The following GLB1L3 variants were observed in gnomAD, a reference collection of about 807,000 sequenced individuals.
GLB1L3 encodes the protein beta-galactosidase-1-like protein 3.
GLB1L3 carries 89 observed loss-of-function variants against 89.5 expected under a neutral mutation model. The observed-to-expected ratio is 0.99, with a 90% CI of 0.84 to 1.19. The LOEUF (loss-of-function observed/expected upper bound fraction) is 1.19. Ranked by LOEUF, GLB1L3 falls within the 50% of genes most tolerant of loss-of-function variation. GLB1L3 has a pLI of 0.00. For missense variants in GLB1L3, 812 were observed against 813.3 expected (o/e 1.00, Z 0.02); for synonymous variants, 314 against 312.3 (o/e 1.01, Z -0.06).
chr11:134,280,159 G>T (rs1020494142), intron 3 of GLB1L3, among the ~76,000 whole-genome samples: 1 of 151,556 alleles, frequency 6.6e-6, no homozygotes, highest in Non-Finnish European at 1.5e-5. Context: ...TTGGGAATAC[G>T]CTTTCTGTTT....
chr11:134,284,924 CTTTTTTTTTTTTTTTTT>C (rs536491197), intron 6 of GLB1L3, among the ~76,000 whole-genome samples: 1 of 73,990 alleles, frequency 1.4e-5, no homozygotes, highest in Non-Finnish European at 2.7e-5. Context: ...CATGCATTGC[CTTTTTTTTTTTTTTTTT>C]TTTTTGAGAC....
chr11:134,313,341 C>T (rs11223754), intron 15 of GLB1L3, 55 bp from the exon 16 acceptor site: 69,660 of 1,414,338 alleles, frequency 0.049, 2,092 homozygotes, highest in Non-Finnish European at 0.057. Context: ...AACGGGTTGT[C>T]GGGTAGACGC....
intron 8 of GLB1L3, chr11:134,292,583 TGGGTG>T: frequency 4.6e-6 from 1 of 217,622 alleles, no homozygotes; most frequent in South Asian, 9.2e-5. Flanking sequence ...AACCAGAAGA[TGGGTG>T]TTGTGTCAGG....
chr11:134,308,247 C>A (rs867900034), intron 10 of GLB1L3, among the ~76,000 whole-genome samples: 1 of 26,482 alleles, frequency 3.8e-5, no homozygotes, highest in Non-Finnish European at 7.8e-5. Flanking sequence ...ATCACCATCA[C>A]CACCATCACC....
chr11:134,315,796 A>T (rs1273359583), intron 18 of GLB1L3, among the ~76,000 whole-genome samples: 1 of 151,976 alleles, frequency 6.6e-6, no homozygotes, highest in Non-Finnish European at 1.5e-5. Context: ...CATTATCTTT[A>T]TTATTTTGTT....
intron 9 of GLB1L3, among the ~76,000 whole-genome samples, chr11:134,295,612 GT>G (rs1941591556): frequency 6.6e-6 from 1 of 152,050 alleles, no homozygotes; most frequent in African/African-American, 2.4e-5. Flanking sequence ...AACTTCCTTG[GT>G]TTCCGCTTTG....
chr11:134,319,183 T>C lies in GLB1L3; in HGVS notation c.*241T>C. ...GTTAGCCAGGATGGTCCCAATCTCC[T>C]GACCTTGTGATCTGCTCTCCTCAGC... On this transcript the variant is annotated 3_prime_UTR_variant, in exon 20 of 20. Coordinates refer to ENST00000431683, the MANE Select transcript of GLB1L3 (RefSeq NM_001080407.3). 2.2e-6 allele frequency: 1 copy of C among 448,058 alleles called. No homozygotes were observed. Among genetic ancestry groups the C allele is most frequent in the Non-Finnish European group, 4.0e-6 (1 of 248,110 alleles). 27.8% of individuals were successfully genotyped at this position (448,058 alleles called of 1,614,324 possible).
intron 18 of GLB1L3, among the ~76,000 whole-genome samples, chr11:134,318,283 T>A (rs1013338358): frequency 1.3e-5 from 2 of 152,234 alleles, no homozygotes; most frequent in African/African-American, 4.8e-5. Context: ...AGCAGATTTT[T>A]AAAAATGTGC....
chr11:134,303,357 A>G (rs1327670801), intron 9 of GLB1L3, among the ~76,000 whole-genome samples: 1 of 152,136 alleles, frequency 6.6e-6, no homozygotes, highest in Non-Finnish European at 1.5e-5. Context: ...TTCTTGTTAG[A>G]CTGAAGTTGA....
intron 4 of GLB1L3, 61 bp downstream of exon 4, chr11:134,281,506 G>C (rs1264831733): frequency 2.0e-6 from 3 of 1,493,358 alleles, no homozygotes; most frequent in Non-Finnish European, 2.8e-6. Flanking sequence ...TGGCTACTGG[G>C]GGTGGATTAG....
At chr11:134,298,530 A>G (rs1476276934) in intron 9 of GLB1L3, among the ~76,000 whole-genome samples, 1 of 152,112 alleles carries the variant, frequency 6.6e-6, no homozygotes, top group Non-Finnish European at 1.5e-5. Context: ...TAGAATTCCC[A>G]TGTGTTGTGG....
intron 6 of GLB1L3, 131 bp from the exon 7 acceptor site, chr11:134,288,667 C>T (rs1053475730): frequency 6.7e-6 from 4 of 598,468 alleles, no homozygotes; most frequent in Admixed American, 3.2e-5. Context: ...TGGAGCAGAG[C>T]GTGCAGACCA....
chr11:134,303,290 T>G (rs1394957763), intron 9 of GLB1L3, among the ~76,000 whole-genome samples: 1 of 152,232 alleles, frequency 6.6e-6, no homozygotes, highest in East Asian at 1.9e-4. Flanking sequence ...ATTTTTATTT[T>G]AGTCTGACAC....
chr11:134,282,171 T>A (rs1940732004), intron 5 of GLB1L3, 51 bp downstream of exon 5: 1 of 1,495,526 alleles, frequency 6.7e-7, no homozygotes, highest in African/African-American at 1.4e-5. Flanking sequence ...GTATTTGCTT[T>A]AAAAAAAGTG....
intron 9 of GLB1L3, among the ~76,000 whole-genome samples, chr11:134,300,171 G>A (rs894963383): frequency 6.6e-6 from 1 of 151,998 alleles, no homozygotes; most frequent in East Asian, 1.9e-4. Flanking sequence ...GTGCTGGCAG[G>A]GTAGGTTTCT....
rs565006801 is a variant in GLB1L3, at chr11:134,302,098, C to T, written c.877-5026C>T. ...TCCACCTGGCTCCTCTCTCCTCTGA[C>T]GTGACCCCATCAGTCTTTCATAGTT... is the stretch of plus-strand genomic sequence containing the variant. On this transcript the variant is annotated intron_variant, in intron 9 of 19. Transcript: ENST00000431683. Among the ~76,000 whole-genome samples the T allele has an allele frequency of 6.6e-5, 10 of 152,270 alleles. No homozygotes were observed. The South Asian group carries it at 1.0e-3, about 16-fold the overall frequency.
intron 5 of GLB1L3, among the ~76,000 whole-genome samples, chr11:134,282,552 C>G (rs186950497): frequency 1.3e-5 from 2 of 152,296 alleles, no homozygotes; most frequent in East Asian, 3.9e-4. Flanking sequence ...GTTTTGAAAA[C>G]TTCTGATCTT....
At chr11:134,294,913 A>T (rs1209584561) in intron 9 of GLB1L3, among the ~76,000 whole-genome samples, 4 of 152,178 alleles carry the variant, frequency 2.6e-5, no homozygotes, top group Non-Finnish European at 4.4e-5. Context: ...TTAGTGTGTT[A>T]ATACAGTGAC....
chr11:134,301,450 T>C (rs940725872), intron 9 of GLB1L3, among the ~76,000 whole-genome samples: 6 of 152,200 alleles, frequency 3.9e-5, no homozygotes, highest in Admixed American at 3.9e-4. Flanking sequence ...TTGTTTTTAA[T>C]GGCCGTATCA....
Sources: allele counts gnomAD v4.1 joint callset (sites outside exome capture counted in the v4.1 genomes callset), GRCh38; gene constraint gnomAD v4.1.1; transcripts MANE v1.5; gene names NCBI Gene and HGNC (gene_info 2026-07-23, HGNC 2026-07-21).